Variants in NEBL observed in about 807,000 individuals in gnomAD.
The protein encoded by NEBL is LIM and SH3 protein 2.
A neutral mutation model predicts 140.2 loss-of-function variants in NEBL; 122 were observed. The ratio of observed to expected loss-of-function variants is 0.87; its 90% confidence interval spans 0.75 to 1.01. The LOEUF (loss-of-function observed/expected upper bound fraction) is 1.01, where lower values mean the gene tolerates loss of function less well. Among genes scored for constraint, NEBL ranks in the 50% least tolerant of loss-of-function variants. The probability of loss-of-function intolerance (pLI) is 0.00; values close to 1 mark genes in which losing one functional copy is unlikely to be tolerated. For missense variants in NEBL, 1,365 were observed against 1,231.3 expected, an observed-to-expected ratio of 1.11 and a Z score of -1.62; for synonymous variants, 436 against 398.9, an observed-to-expected ratio of 1.09 and a Z score of -1.11.
intron 1 of NEBL, among the ~76,000 whole-genome samples, chr10:21,253,341 G>A (rs1457909930): frequency 6.6e-6 from 1 of 152,224 alleles, no homozygotes; most frequent in East Asian, 1.9e-4. Context: ...ACAGGGGCCT[G>A]AGTCACAAAT....
intron 26 of NEBL, among the ~76,000 whole-genome samples, chr10:20,796,234 G>C (rs369663870): frequency 4.3e-4 from 65 of 151,698 alleles, no homozygotes; most frequent in African/African-American, 1.4e-3. Context: ...GTAGTGGTGG[G>C]CGCCCGTTAT....
chr10:20,841,249 A>T (rs1261524043), intron 12 of NEBL: 1 of 181,830 alleles, frequency 5.5e-6, no homozygotes, highest in Non-Finnish European at 1.2e-5. Context: ...AAAATTACAA[A>T]ATCAAAAGGA....
At chr10:20,830,272 C>T (rs890000616) in intron 16 of NEBL, among the ~76,000 whole-genome samples, 7 of 152,204 alleles carry the variant, frequency 4.6e-5, no homozygotes, top group Non-Finnish European at 8.8e-5. Context: ...TCTGCATAAA[C>T]TCCATTAATC....
At chr10:21,219,974 G>A (rs962029219) in intron 3 of NEBL, among the ~76,000 whole-genome samples, 2 of 151,518 alleles carry the variant, frequency 1.3e-5, no homozygotes, top group Admixed American at 6.6e-5. Flanking sequence ...AGTACCATGG[G>A]ACGATCTCGG....
chr10:21,259,654 C>T (rs1354891750), intron 1 of NEBL, among the ~76,000 whole-genome samples: 6 of 152,176 alleles, frequency 3.9e-5, no homozygotes, highest in South Asian at 2.1e-4. Context: ...GTGGCAAAGC[C>T]TTGTGTTTGG....
In NEBL at chr10:21,200,017, G is replaced by T. The variant is rs555035248; in HGVS notation, n.349-27540C>A. Among the ~76,000 whole-genome samples the T allele has an allele frequency of 1.2e-4, 19 of 152,190 alleles. No individual in the cohort carries two copies. In the East Asian group the frequency reaches 3.1e-3, roughly 25 times the overall value. ...GCAGGCAACCACAGATCATCTACTT[G>T]TCTCAGTCCAAACAACTCTGGGATG... On this transcript the variant is annotated intron_variant and non_coding_transcript_variant, in intron 3 of 8. Transcript: ENST00000675702.
At chr10:21,020,038 G>A (rs1838723964) in intron 3 of NEBL, 10 of 1,261,942 alleles carry the variant, frequency 7.9e-6, no homozygotes, top group South Asian at 3.6e-5. Flanking sequence ...GGAACAGTAC[G>A]AAGACAAGAA....
At chr10:21,124,364 A>G (rs577721411) in intron 2 of NEBL, among the ~76,000 whole-genome samples, 1 of 152,332 alleles carries the variant, frequency 6.6e-6, no homozygotes, top group African/African-American at 2.4e-5. Context: ...TCCAATACCA[A>G]AGACATTGAA....
At chr10:21,257,131 T>C (rs1410006974) in intron 1 of NEBL, among the ~76,000 whole-genome samples, 1 of 152,236 alleles carries the variant, frequency 6.6e-6, no homozygotes, top group Non-Finnish European at 1.5e-5. Flanking sequence ...GTATTATCTA[T>C]TGAGTGTTTT....
At position 21,096,826 on chromosome 10, in the gene NEBL, A is replaced by G. The variant is rs188567808; in HGVS notation, c.164+75557T>C. Among the ~76,000 whole-genome samples the G allele has an allele frequency of 2.0e-5, 3 of 152,224 alleles. No individual in the cohort carries two copies. The East Asian group carries it at 5.8e-4, about 29-fold the overall frequency. The stretch of plus-strand genomic sequence containing the variant: ...CCCGGCCTGAGTGTATATCTTTTTA[A>G]CATAGATTTTGGCTAGTTTCATCAC... On this transcript the variant is annotated intron_variant, in intron 2 of 6. Transcript: ENST00000417816.
intron 1 of NEBL, among the ~76,000 whole-genome samples, chr10:21,268,583 G>T (rs1440870119): frequency 4.0e-5 from 6 of 151,660 alleles, no homozygotes; most frequent in African/African-American, 1.5e-4. Context: ...GAGTGCAGTG[G>T]TGTGATCTCG....
intron 4 of NEBL, among the ~76,000 whole-genome samples, chr10:20,941,397 A>C (rs1048941724): frequency 2.0e-5 from 3 of 152,228 alleles, no homozygotes; most frequent in Non-Finnish European, 4.4e-5. Flanking sequence ...TTCATGCTAA[A>C]AACTCTCAAT....
chr10:20,822,049 G>A (rs748110758), intron 19 of NEBL, among the ~76,000 whole-genome samples: 1 of 152,162 alleles, frequency 6.6e-6, no homozygotes, highest in Non-Finnish European at 1.5e-5. Context: ...CACTTTGCAA[G>A]AGGCATTATT....
chr10:21,118,225 T>C (rs1356710799), intron 2 of NEBL, among the ~76,000 whole-genome samples: 2 of 152,152 alleles, frequency 1.3e-5, no homozygotes, highest in Non-Finnish European at 2.9e-5. Flanking sequence ...TGACAACTTA[T>C]GTTTGTTGTT....
Position 21,192,002 on chromosome 10 carries a change from C to T in NEBL, n.349-19525G>A, listed in dbSNP as rs1841581819. ...GAGTATTAAAGGGTTATTGATTGCT[C>T]TTCTCAAAGGGGTCCCAAGGTTTTT... is the stretch of plus-strand genomic sequence containing the variant. On this transcript the variant is annotated intron_variant and non_coding_transcript_variant, in intron 3 of 8. Coordinates refer to the NEBL transcript ENST00000675702. Among the ~76,000 whole-genome samples, 3 of 152,162 alleles carry T rather than the reference C, an allele frequency of 2.0e-5. No homozygotes were observed. In the South Asian group the frequency reaches 6.2e-4, roughly 32 times the overall value.
intron 14 of NEBL, among the ~76,000 whole-genome samples, chr10:20,833,742 C>T (rs536528022): frequency 6.2e-5 from 9 of 145,396 alleles, no homozygotes; most frequent in Admixed American, 5.0e-4. Flanking sequence ...GGCGACAGAG[C>T]GAGACTCCGT....
intron 3 of NEBL, among the ~76,000 whole-genome samples, chr10:21,196,188 G>C (rs187720276): frequency 1.3e-5 from 2 of 151,860 alleles, no homozygotes; most frequent in South Asian, 2.1e-4. Flanking sequence ...ATTTTTAGTA[G>C]AGACAGGGTT....
At chr10:20,813,434 T>C (rs1838369759) in intron 23 of NEBL, among the ~76,000 whole-genome samples, 1 of 152,064 alleles carries the variant, frequency 6.6e-6, no homozygotes, top group Non-Finnish European at 1.5e-5. Context: ...CAAAATATAC[T>C]TTTTTTATGT....
intron 4 of NEBL, among the ~76,000 whole-genome samples, chr10:20,943,244 G>A (rs1834980924): frequency 6.6e-6 from 1 of 152,194 alleles, no homozygotes; most frequent in Non-Finnish European, 1.5e-5. Context: ...ATACACCATG[G>A]AATACTATGC....
Sources: allele counts gnomAD v4.1 joint callset (sites outside exome capture counted in the v4.1 genomes callset), GRCh38; gene constraint gnomAD v4.1.1; transcripts MANE v1.5; gene names NCBI Gene and HGNC (gene_info 2026-07-23, HGNC 2026-07-21).